The following MCOLN2 variants were observed in gnomAD, a reference collection of about 807,000 sequenced individuals.
MCOLN2 encodes mucolipin-2.
Under a neutral mutation model 67.5 loss-of-function variants are expected in MCOLN2, and 57 were observed. The ratio of observed to expected loss-of-function variants is 0.84; its 90% CI spans 0.68 to 1.05. The LOEUF (loss-of-function observed/expected upper bound fraction) is 1.05. Ranked by LOEUF, MCOLN2 falls within the 50% of genes least tolerant of loss-of-function variation. The probability of loss-of-function intolerance (pLI) is 0.00; values close to 1 mark genes in which losing one functional copy is unlikely to be tolerated. For synonymous variants in MCOLN2, 246 were observed against 233.3 expected (o/e 1.05, Z -0.50); for missense variants, 620 against 678.8 (o/e 0.91, Z 0.96).
Position 84,975,565 on chromosome 1 carries a change from A to C in MCOLN2, c.78-9857T>G, listed in dbSNP as rs147145501. ...GAAAGCCTTCTGAAGAAGGACAGAT[A>C]ATAAAAGCCCAGACAGTGAAGACTA... On this transcript the variant is annotated intron_variant, in intron 1 of 13. Transcript: ENST00000370608. Among the ~76,000 whole-genome samples, 1,326 of 152,288 alleles carry C rather than the reference A, an allele frequency of 8.7e-3. 22 individuals carry two copies. Among genetic ancestry groups the C allele is most frequent in the African/African-American group, 0.031 (1,273 of 41,554 alleles).
chr1:84,931,115 A>ACTTACCCCATTCAACCCATG lies in MCOLN2; in HGVS notation c.1542+227_1542+246dup, dbSNP rs541179363. 3.2e-4 allele frequency among the ~76,000 whole-genome samples: 49 copies of ACTTACCCCATTCAACCCATG among 152,114 alleles called. No individual in the cohort carries two copies. The East Asian group carries it at 5.8e-3, about 18-fold the overall frequency. The stretch of plus-strand genomic sequence containing the variant: ...CTAAGACCAGCAGCCTGACTACCTG[A>ACTTACCCCATTCAACCCATG]CTTACCCCATTCAACCCATGCTTAC... On this transcript the variant is annotated intron_variant, in intron 12 of 13. Coordinates refer to ENST00000370608, the MANE Select transcript of MCOLN2 (RefSeq NM_153259.4).
intron 7 of MCOLN2, among the ~76,000 whole-genome samples, chr1:84,944,596 AG>A (rs1647989676): frequency 6.6e-6 from 1 of 152,220 alleles, no homozygotes; most frequent in African/African-American, 2.4e-5. Context: ...AATCCCGCCA[AG>A]AAGGAGTCCC....
chr1:84,966,286 A>C lies in MCOLN2; in HGVS notation c.78-578T>G, dbSNP rs142486985. Among the ~76,000 whole-genome samples, 272 of 152,238 alleles carry C rather than the reference A, an allele frequency of 1.8e-3. 1 individual carries two copies. Among genetic ancestry groups the C allele is most frequent in the African/African-American group, 6.2e-3 (256 of 41,548 alleles). Reference sequence around the variant, plus strand: ...AAAATTTAAAAACAAAATAAAAAAAACAAAATGGTCAATCTCAAGAATTAT... The same window carrying C: ...AAAATTTAAAAACAAAATAAAAAAACCAAAATGGTCAATCTCAAGAATTAT... On this transcript the variant is annotated intron_variant, in intron 1 of 13. Coordinates refer to ENST00000370608, the MANE Select transcript of MCOLN2 (RefSeq NM_153259.4).
At chr1:84,941,051 C>T in intron 7 of MCOLN2, 60 bp from the exon 8 acceptor site, 4 of 1,087,284 alleles carry the variant, frequency 3.7e-6, no homozygotes, top group Non-Finnish European at 5.5e-6. Context: ...AATTTCCAAA[C>T]AAAATGGCAG....
chr1:84,950,771 C>G (rs1203008230), intron 6 of MCOLN2, among the ~76,000 whole-genome samples: 1 of 152,108 alleles, frequency 6.6e-6, no homozygotes, highest in Admixed American at 6.5e-5. Flanking sequence ...CCCAAGATCA[C>G]ACACTCAAAC....
intron 3 of MCOLN2, among the ~76,000 whole-genome samples, 167 bp from the exon 4 acceptor site, chr1:84,956,751 G>T (rs1648817634): frequency 6.6e-6 from 1 of 152,184 alleles, no homozygotes; most frequent in African/African-American, 2.4e-5. Flanking sequence ...AGTTTGTTCA[G>T]CAAGACACTG....
At chr1:84,969,691 T>C (rs1052098561) in intron 1 of MCOLN2, among the ~76,000 whole-genome samples, 1 of 149,364 alleles carries the variant, frequency 6.7e-6, no homozygotes, top group Non-Finnish European at 1.5e-5. Context: ...TTGACTCAAC[T>C]TGACCAACTT....
intron 11 of MCOLN2, among the ~76,000 whole-genome samples, chr1:84,933,586 T>A (rs971436093): frequency 1.3e-5 from 2 of 152,224 alleles, no homozygotes; most frequent in African/African-American, 4.8e-5. Context: ...GCTGAAAACA[T>A]TGACATTAAA....
intron 13 of MCOLN2, among the ~76,000 whole-genome samples, chr1:84,928,691 T>C (rs1661270325): frequency 6.6e-6 from 1 of 152,196 alleles, no homozygotes; most frequent in Non-Finnish European, 1.5e-5. Context: ...AAAAAAGGTG[T>C]GATTCTGAAA....
chr1:84,966,999 T>C (rs1353904168), intron 1 of MCOLN2, among the ~76,000 whole-genome samples: 1 of 152,192 alleles, frequency 6.6e-6, no homozygotes, highest in African/African-American at 2.4e-5. Context: ...ATATAACACA[T>C]AAAAGTAGTA....
rs534320398 is a variant in MCOLN2, at chr1:84,944,487, G to A, written c.847+2546C>T. Among the ~76,000 whole-genome samples the A allele has an allele frequency of 1.7e-3, 261 of 152,090 alleles. 1 individual carries two copies. Among genetic ancestry groups the A allele is most frequent in the Admixed American group, 3.7e-3 (57 of 15,282 alleles). On this transcript the variant is annotated intron_variant, in intron 7 of 13. Coordinates refer to ENST00000370608, the MANE Select transcript of MCOLN2 (RefSeq NM_153259.4). ...GGTGGAGGTTGCAGTGAGCAAGATC[G>A]TGCCACTGCACTCCAGCCTGGGAGA...
At chr1:84,969,327 T>C (rs1187822851) in intron 1 of MCOLN2, among the ~76,000 whole-genome samples, 1 of 152,038 alleles carries the variant, frequency 6.6e-6, no homozygotes. Context: ...TCCCAGCACT[T>C]TGGGAGGCAG....
At position 84,968,751 on chromosome 1, in the gene MCOLN2, T is replaced by A. The variant is rs368292321; in HGVS notation, c.78-3043A>T. Among the ~76,000 whole-genome samples the A allele has an allele frequency of 4.6e-5, 7 of 152,320 alleles. No homozygotes were observed. The South Asian group carries it at 1.5e-3, about 32-fold the overall frequency. On this transcript the variant is annotated intron_variant, in intron 1 of 13. Transcript: ENST00000370608. ...CTCCTTCTTGTCCCAAAGACAGGCA[T>A]CTTCCCCACCTTGCTGTGTAGGAGC...
At chr1:84,955,032 G>C (rs954847962) in intron 4 of MCOLN2, among the ~76,000 whole-genome samples, 2 of 152,146 alleles carry the variant, frequency 1.3e-5, no homozygotes, top group African/African-American at 4.8e-5. Context: ...CCAGTAGGAG[G>C]TAATTAAATC....
At chr1:84,979,009 C>A (rs1650126159) in intron 1 of MCOLN2, among the ~76,000 whole-genome samples, 1 of 152,084 alleles carries the variant, frequency 6.6e-6, no homozygotes, top group African/African-American at 2.4e-5. Context: ...GGGTGGAAGA[C>A]TAGGCCAGTC....
At chr1:84,929,836 T>A in intron 12 of MCOLN2, 157 bp from the exon 13 acceptor site, 1 of 581,456 alleles carries the variant, frequency 1.7e-6, no homozygotes. Flanking sequence ...AATCTGTCAG[T>A]CCCAGAACAC....
At chr1:84,961,840 T>G (rs1004649077) in intron 2 of MCOLN2, among the ~76,000 whole-genome samples, 1 of 152,190 alleles carries the variant, frequency 6.6e-6, no homozygotes, top group African/African-American at 2.4e-5. Context: ...TAAAATATTC[T>G]GTACCAGGTA....
chr1:84,954,128 C>T (rs188042187), intron 4 of MCOLN2, among the ~76,000 whole-genome samples: 1 of 152,348 alleles, frequency 6.6e-6, no homozygotes, highest in Admixed American at 6.5e-5. Flanking sequence ...CGCCCATTGC[C>T]TAGCATGTAG....
At chr1:84,941,087 T>C (rs1474221024) in intron 7 of MCOLN2, 96 bp from the exon 8 acceptor site, 5 of 743,536 alleles carry the variant, frequency 6.7e-6, no homozygotes, top group Non-Finnish European at 1.1e-5. Flanking sequence ...AAACAATAAA[T>C]GTTTTGTCTA....
Sources: gnomAD v4.1 joint callset for allele counts (sites outside exome capture counted in the v4.1 genomes callset) on GRCh38, gnomAD v4.1.1 for gene constraint, MANE v1.5 for transcripts, NCBI Gene and HGNC (gene_info 2026-07-23, HGNC 2026-07-21) for gene names.